The following TAOK1 variants were observed in gnomAD, a reference collection of about 807,000 sequenced individuals.
TAOK1 encodes the protein TAO kinase 1, also known as serine/threonine-protein kinase TAO1.
Under a neutral mutation model 138.3 loss-of-function variants are expected in TAOK1, and 21 were observed. That is an observed-to-expected ratio of 0.15 (90% CI 0.11 to 0.22). The LOEUF (loss-of-function observed/expected upper bound fraction) is 0.22. Among genes scored for constraint, TAOK1 ranks in the 10% least tolerant of loss-of-function variants. The probability of loss-of-function intolerance (pLI) is 1.00; values close to 1 mark genes in which losing one functional copy is unlikely to be tolerated. For missense variants in TAOK1, 651 were observed against 1,227.7 expected (o/e 0.53, Z 7.02); for synonymous variants, 361 against 398.4 (o/e 0.91, Z 1.12).
chr17:29,504,035 C>A (rs570459295), intron 13 of TAOK1, among the ~76,000 whole-genome samples: 1 of 151,192 alleles, frequency 6.6e-6, no homozygotes, highest in African/African-American at 2.4e-5. Flanking sequence ...CGCTTGAACC[C>A]GGGAGGCGGA....
chr17:29,531,775 A>T (rs1193042867), intron 18 of TAOK1, among the ~76,000 whole-genome samples: 1 of 136,562 alleles, frequency 7.3e-6, no homozygotes, highest in Non-Finnish European at 1.7e-5. Flanking sequence ...AAAAAAAAAA[A>T]CAGGGCCAGA....
chr17:29,537,979 G>A (rs1256849001), intron 19 of TAOK1, among the ~76,000 whole-genome samples: 1 of 152,018 alleles, frequency 6.6e-6, no homozygotes, highest in African/African-American at 2.4e-5. Context: ...CGGCATGGTG[G>A]TGCGTGCCTG....
chr17:29,413,680 C>T (rs1905196624), intron 1 of TAOK1, among the ~76,000 whole-genome samples: 1 of 152,106 alleles, frequency 6.6e-6, no homozygotes, highest in African/African-American at 2.4e-5. Context: ...TGTATAGCTA[C>T]TGTATGTATG....
chr17:29,412,461 A>C (rs1905171344), intron 1 of TAOK1, among the ~76,000 whole-genome samples: 1 of 60,348 alleles, frequency 1.7e-5, no homozygotes, highest in Non-Finnish European at 3.0e-5. Flanking sequence ...CTCTTCCATG[A>C]AGTTGTCCCC....
At chr17:29,438,177 A>G (rs1906098626) in intron 1 of TAOK1, among the ~76,000 whole-genome samples, 1 of 152,156 alleles carries the variant, frequency 6.6e-6, no homozygotes, top group South Asian at 2.1e-4. Context: ...CCAATATTGT[A>G]TTTTTTAAAT....
chr17:29,397,679 G>GTA (rs1567706760), intron 1 of TAOK1, among the ~76,000 whole-genome samples: 3 of 143,078 alleles, frequency 2.1e-5, no homozygotes, highest in African/African-American at 7.8e-5. Context: ...ATGTATACAT[G>GTA]TATACATGTA....
chr17:29,400,988 G>A (rs1567707778), intron 1 of TAOK1, among the ~76,000 whole-genome samples: 2 of 146,048 alleles, frequency 1.4e-5, no homozygotes, highest in African/African-American at 5.1e-5. Flanking sequence ...ATAGTTCACT[G>A]CGGCCTCCAC....
intron 12 of TAOK1, among the ~76,000 whole-genome samples, chr17:29,502,241 C>G (rs1227473209): frequency 6.6e-6 from 1 of 152,184 alleles, no homozygotes; most frequent in Non-Finnish European, 1.5e-5. Flanking sequence ...CTAGACCAGC[C>G]TAGTCAACAT....
intron 1 of TAOK1, among the ~76,000 whole-genome samples, chr17:29,444,516 A>G (rs1038198729): frequency 2.6e-5 from 4 of 152,142 alleles, no homozygotes; most frequent in Non-Finnish European, 5.9e-5. Context: ...GTATTTATAT[A>G]TTTTATTTTT....
intron 3 of TAOK1, among the ~76,000 whole-genome samples, chr17:29,468,451 T>C (rs540411498): frequency 6.6e-6 from 1 of 152,008 alleles, no homozygotes; most frequent in Non-Finnish European, 1.5e-5. Context: ...TTTTTTAAAC[T>C]GTCATTTTAA....
intron 1 of TAOK1, among the ~76,000 whole-genome samples, chr17:29,424,436 CA>C (rs781589064): frequency 0.24 from 16,917 of 71,924 alleles, 756 homozygotes; most frequent in African/African-American, 0.28. Flanking sequence ...GACTCCCTCT[CA>C]AAAAAAAAAA....
chr17:29,524,257 A>G (rs2031968055), intron 17 of TAOK1, among the ~76,000 whole-genome samples: 1 of 152,164 alleles, frequency 6.6e-6, no homozygotes, highest in Non-Finnish European at 1.5e-5. Context: ...AGAATAGACA[A>G]TCTCCCATGA....
At chr17:29,504,036 G>T (rs917372348) in intron 13 of TAOK1, among the ~76,000 whole-genome samples, 3 of 151,524 alleles carry the variant, frequency 2.0e-5, no homozygotes, top group Non-Finnish European at 4.4e-5. Flanking sequence ...GCTTGAACCC[G>T]GGAGGCGGAG....
At chr17:29,433,300 G>A (rs1905908668) in intron 1 of TAOK1, among the ~76,000 whole-genome samples, 1 of 151,706 alleles carries the variant, frequency 6.6e-6, no homozygotes, top group East Asian at 1.9e-4. Flanking sequence ...ACGTGGTGGC[G>A]GGCATCTGTA....
intron 1 of TAOK1, among the ~76,000 whole-genome samples, chr17:29,436,917 C>T (rs1391347881): frequency 6.6e-6 from 1 of 152,050 alleles, no homozygotes; most frequent in Non-Finnish European, 1.5e-5. Context: ...AATTTTGAAA[C>T]TGAAGTTTGA....
chr17:29,490,310 G>A (rs1415700512), intron 9 of TAOK1, among the ~76,000 whole-genome samples: 1 of 152,038 alleles, frequency 6.6e-6, no homozygotes, highest in African/African-American at 2.4e-5. Context: ...GTTCATTCAT[G>A]TAAAGAGGTT....
chr17:29,422,499 T>G (rs1183169190), intron 1 of TAOK1, among the ~76,000 whole-genome samples: 1 of 152,184 alleles, frequency 6.6e-6, no homozygotes, highest in Non-Finnish European at 1.5e-5. Context: ...ATTACAGGCG[T>G]GAGCCACTGC....
intron 2 of TAOK1, among the ~76,000 whole-genome samples, chr17:29,452,927 G>A (rs953594670): frequency 2.0e-5 from 3 of 152,100 alleles, no homozygotes; most frequent in Non-Finnish European, 1.5e-5. Context: ...TATTGTGAAT[G>A]ATGCTGCCAT....
At position 29,543,148 on chromosome 17, in the gene TAOK1, T is replaced by C; in HGVS notation, c.*126T>C. On this transcript the variant is annotated 3_prime_UTR_variant, in exon 20 of 20. Transcript: ENST00000261716. ...GAAGCTGAGTGCATATGGTATATTTTATTCATTTTTGTAAAGCGTTCTGTT... is the reference window on the plus strand; with the variant it reads ...GAAGCTGAGTGCATATGGTATATTTCATTCATTTTTGTAAAGCGTTCTGTT... The C allele has an allele frequency of 5.0e-6, 4 of 801,586 alleles. No individual in the cohort carries two copies. The South Asian group carries it at 1.0e-4, about 20-fold the overall frequency. The allele number at this position is 801,586 out of a possible 1,614,324, so 49.7% of individuals were successfully genotyped here. A position where few individuals can be genotyped will look rare whatever the true frequency, so the allele number is the denominator to read the frequency against.
Sources: allele counts gnomAD v4.1 joint callset (sites outside exome capture counted in the v4.1 genomes callset), GRCh38; gene constraint gnomAD v4.1.1; transcripts MANE v1.5; gene names NCBI Gene and HGNC (gene_info 2026-07-23, HGNC 2026-07-21).